The following SSH2 variants were observed in gnomAD, a reference collection of about 807,000 sequenced individuals.
SSH2 encodes protein phosphatase Slingshot homolog 2.
A neutral mutation model predicts 135.2 loss-of-function variants in SSH2; 37 were observed. That is an observed-to-expected ratio of 0.27 (90% CI 0.21 to 0.36). The LOEUF is 0.36. Ranked by LOEUF, SSH2 falls within the 10% of genes least tolerant of loss-of-function variation. The pLI is 1.00. For missense variants in SSH2, 1,408 were observed against 1,765.3 expected, an observed-to-expected ratio of 0.80 and a Z score of 3.63; for synonymous variants, 628 against 646.2, an observed-to-expected ratio of 0.97 and a Z score of 0.43.
At chr17:29,835,618 G>A (rs929273925) in intron 2 of SSH2, among the ~76,000 whole-genome samples, 5 of 152,166 alleles carry the variant, frequency 3.3e-5, no homozygotes, top group Non-Finnish European at 7.4e-5. Flanking sequence ...TCCAGCCCCA[G>A]CTCATGCATG....
At chr17:29,658,607 G>A (rs752162190) in intron 11 of SSH2, among the ~76,000 whole-genome samples, 4 of 151,920 alleles carry the variant, frequency 2.6e-5, no homozygotes, top group Non-Finnish European at 5.9e-5. Context: ...AGTGGCTCAC[G>A]TCTGTAATCC....
Position 29,676,800 on chromosome 17 carries a change from G to A in SSH2, c.614+20C>T, listed in dbSNP as rs759163720. On this transcript the variant is annotated intron_variant, in intron 8 of 15. Coordinates refer to ENST00000540801, the MANE Select transcript of SSH2 (RefSeq NM_001282129.2). ...AATAACATTAAAACACTTTTGTAGA[G>A]ATAGTAAAAGTCATCTTACCACATT... 1.9e-6 allele frequency: 3 copies of A among 1,590,092 alleles called. No homozygotes were observed. The East Asian group carries it at 6.7e-5, about 36-fold the overall frequency.
rs1345275864 is a variant in SSH2, at chr17:29,630,624, A to T, written c.*217T>A. On this transcript the variant is annotated 3_prime_UTR_variant, in exon 16 of 16. Transcript: ENST00000540801. ...TTTGAGGTTTGATTTTTTTAAATAA[A>T]AAATGATAAACGGTCTTGCCATCCA... 5.3e-6 allele frequency: 2 copies of T among 379,256 alleles called. No homozygotes were observed. The highest frequency in any genetic ancestry group is 9.2e-6 in the Non-Finnish European group (2 of 217,880). 23.5% of individuals were successfully genotyped at this position (379,256 alleles called of 1,614,324 possible).
At chr17:29,701,463 G>A (rs1025676045) in intron 4 of SSH2, among the ~76,000 whole-genome samples, 2 of 144,256 alleles carry the variant, frequency 1.4e-5, no homozygotes, top group Admixed American at 7.2e-5. Flanking sequence ...AGGCTGGAGT[G>A]CAGTGGTGCA....
intron 5 of SSH2, 69 bp downstream of exon 5, chr17:29,695,390 G>T: frequency 8.2e-7 from 1 of 1,217,634 alleles, no homozygotes; most frequent in Non-Finnish European, 1.2e-6. Context: ...ATGTAAAAAT[G>T]ACTGTTCAAT....
chr17:29,684,636 C>T lies in SSH2; in HGVS notation c.406G>A (p.Val136Met), dbSNP rs1317237858. The part of the protein sequence containing the change: ...TYQNRTRYMV[V>M]VSTNGRQDTE... The stretch of plus-strand genomic sequence containing the variant: ...TCTTGTCTACCATTAGTTGAAACCA[C>T]TACCATATAGCGTGTTCGATTCTGG... Residue 136 changes from valine to methionine, a missense_variant, in exon 6 of 16, where the codon GTG becomes ATG. Transcript: ENST00000540801. 3 of 1,613,406 alleles carry T rather than the reference C, an allele frequency of 1.9e-6. No homozygotes were observed. Among genetic ancestry groups the T allele is most frequent in the Non-Finnish European group, 2.5e-6 (3 of 1,179,376 alleles).
intron 12 of SSH2, among the ~76,000 whole-genome samples, 200 bp downstream of exon 12, chr17:29,655,361 C>T (rs1567848325): frequency 6.6e-6 from 1 of 152,172 alleles, no homozygotes; most frequent in Non-Finnish European, 1.5e-5. Context: ...CCTCAGCTTC[C>T]CAAAGTGCTG....
chr17:29,792,649 T>A (rs2042088996), intron 3 of SSH2, among the ~76,000 whole-genome samples: 1 of 152,150 alleles, frequency 6.6e-6, no homozygotes, highest in African/African-American at 2.4e-5. Flanking sequence ...AAACACCTGA[T>A]AATAATAATA....
chr17:29,893,803 T>C (rs1488362999), intron 1 of SSH2, among the ~76,000 whole-genome samples: 1 of 152,140 alleles, frequency 6.6e-6, no homozygotes, highest in Non-Finnish European at 1.5e-5. Flanking sequence ...GATGAGTTTC[T>C]CCAATGTTTT....
At chr17:29,885,044 T>A (rs2066209181) in intron 1 of SSH2, among the ~76,000 whole-genome samples, 1 of 152,188 alleles carries the variant, frequency 6.6e-6, no homozygotes, top group Non-Finnish European at 1.5e-5. Flanking sequence ...AAAGCCTGAG[T>A]ACGGGCTAAA....
chr17:29,847,439 C>G (rs1453842767), intron 2 of SSH2, among the ~76,000 whole-genome samples: 1 of 152,168 alleles, frequency 6.6e-6, no homozygotes, highest in African/African-American at 2.4e-5. Context: ...ATTAATACAA[C>G]TGGGACGGTG....
intron 2 of SSH2, among the ~76,000 whole-genome samples, chr17:29,796,313 A>G (rs1172423378): frequency 6.6e-6 from 1 of 152,196 alleles, no homozygotes; most frequent in African/African-American, 2.4e-5. Flanking sequence ...GAACTTGTAT[A>G]TCTACCATCT....
intron 6 of SSH2, among the ~76,000 whole-genome samples, chr17:29,678,593 A>C (rs935856036): frequency 2.0e-5 from 3 of 152,240 alleles, no homozygotes; most frequent in African/African-American, 7.2e-5. Flanking sequence ...AACAAAACTT[A>C]AATCAATGAA....
rs2040920451 is a variant in SSH2 at position 29,750,965 on chromosome 17, T to G, written c.188+42929A>C. Among the ~76,000 whole-genome samples, 6 of 152,318 alleles carry G rather than the reference T, an allele frequency of 3.9e-5. No individual in the cohort carries two copies. The South Asian group carries it at 1.2e-3, about 32-fold the overall frequency. Reference sequence around the variant, plus strand: ...AAAGAGTCAGGATCATCAAGATCATTGTTTTCCATCTCCATATCTTGCCAC... The same window carrying G: ...AAAGAGTCAGGATCATCAAGATCATGGTTTTCCATCTCCATATCTTGCCAC... On this transcript the variant is annotated intron_variant, in intron 3 of 15. Transcript: ENST00000540801.
At chr17:29,641,253 T>C (rs935554987) in intron 14 of SSH2, among the ~76,000 whole-genome samples, 1 of 152,236 alleles carries the variant, frequency 6.6e-6, no homozygotes, top group African/African-American at 2.4e-5. Context: ...TTTTTTCCAA[T>C]GAAGCTTTGT....
chr17:29,665,667 A>G (rs1055154787), intron 11 of SSH2, among the ~76,000 whole-genome samples: 3 of 152,246 alleles, frequency 2.0e-5, no homozygotes, highest in African/African-American at 7.2e-5. Context: ...TGGACACAAA[A>G]TGAGGTTTTG....
intron 14 of SSH2, 73 bp from the exon 15 acceptor site, chr17:29,636,875 T>C: frequency 9.5e-7 from 1 of 1,054,028 alleles, no homozygotes; most frequent in Non-Finnish European, 1.4e-6. Flanking sequence ...AGGAAAACAC[T>C]CCCAGATAAA....
intron 11 of SSH2, among the ~76,000 whole-genome samples, chr17:29,663,643 G>A (rs1483016638): frequency 6.6e-6 from 1 of 152,114 alleles, no homozygotes; most frequent in African/African-American, 2.4e-5. Context: ...AAGCTGAAGA[G>A]ATTTTCCTTT....
intron 1 of SSH2, among the ~76,000 whole-genome samples, chr17:29,859,097 G>T (rs1208074944): frequency 6.6e-6 from 1 of 151,938 alleles, no homozygotes; most frequent in East Asian, 1.9e-4. Context: ...CTGTTTAAAT[G>T]GCTTATACTT....
Sources: allele counts gnomAD v4.1 joint callset (sites outside exome capture counted in the v4.1 genomes callset), GRCh38; gene constraint gnomAD v4.1.1; transcripts MANE v1.5; gene names NCBI Gene and HGNC (gene_info 2026-07-23, HGNC 2026-07-21).